PPP3CA: variants seen among roughly 807,000 people sequenced by gnomAD.
The protein encoded by PPP3CA is CAM-PRP catalytic subunit.
Under a neutral mutation model 66.5 loss-of-function variants are expected in PPP3CA, and 14 were observed. The ratio of observed to expected loss-of-function variants is 0.21; its 90% CI spans 0.14 to 0.33. The LOEUF is 0.33. Ranked by LOEUF, PPP3CA falls within the 10% of genes least tolerant of loss-of-function variation. The pLI, the probability that PPP3CA is intolerant of heterozygous loss-of-function variation, is 1.00. For synonymous variants in PPP3CA, 232 were observed against 226.2 expected, an observed-to-expected ratio of 1.03 and a Z score of -0.23; for missense variants, 317 against 639.5, an observed-to-expected ratio of 0.50 and a Z score of 5.44.
intron 2 of PPP3CA, among the ~76,000 whole-genome samples, chr4:101,129,378 C>A (rs1722354878): frequency 6.6e-6 from 1 of 152,198 alleles, no homozygotes; most frequent in Admixed American, 6.5e-5. Flanking sequence ...GATCTCCCAG[C>A]ACAGTGCTTG....
At chr4:101,169,414 C>A (rs1723797687) in intron 2 of PPP3CA, among the ~76,000 whole-genome samples, 1 of 152,104 alleles carries the variant, frequency 6.6e-6, no homozygotes, top group African/African-American at 2.4e-5. Context: ...CTCCAGAGGG[C>A]GCTATTTACC....
chr4:101,119,983 A>G (rs1321521336), intron 2 of PPP3CA, among the ~76,000 whole-genome samples: 2 of 152,112 alleles, frequency 1.3e-5, no homozygotes, highest in Admixed American at 6.6e-5. Flanking sequence ...GTAATTGTGA[A>G]TTGATAAATT....
At chr4:101,236,992 C>T (rs1215877566) in intron 1 of PPP3CA, among the ~76,000 whole-genome samples, 1 of 150,300 alleles carries the variant, frequency 6.7e-6, no homozygotes, top group Non-Finnish European at 1.5e-5. Flanking sequence ...ATTACATAAT[C>T]TGTGTAATGT....
intron 2 of PPP3CA, among the ~76,000 whole-genome samples, chr4:101,120,797 C>T (rs1722001566): frequency 6.6e-6 from 1 of 151,828 alleles, no homozygotes; most frequent in African/African-American, 2.4e-5. Context: ...TTTTTGTTTA[C>T]CTCTATAAAA....
At chr4:101,250,691 C>T (rs1560680952) in intron 1 of PPP3CA, among the ~76,000 whole-genome samples, 1 of 152,128 alleles carries the variant, frequency 6.6e-6, no homozygotes, top group Non-Finnish European at 1.5e-5. Context: ...TAATTAGCTA[C>T]TTAGAAGTGA....
chr4:101,155,313 T>C (rs1723283516), intron 2 of PPP3CA, among the ~76,000 whole-genome samples: 1 of 152,186 alleles, frequency 6.6e-6, no homozygotes, highest in Non-Finnish European at 1.5e-5. Flanking sequence ...AAAGAGTAGA[T>C]GAATGCATGA....
At chr4:101,148,135 T>C (rs903576606) in intron 2 of PPP3CA, among the ~76,000 whole-genome samples, 3 of 152,148 alleles carry the variant, frequency 2.0e-5, no homozygotes, top group Non-Finnish European at 4.4e-5. Flanking sequence ...AAAAGCTAAG[T>C]CTTGTCATGA....
chr4:101,231,505 T>G (rs1175148093), intron 1 of PPP3CA, among the ~76,000 whole-genome samples: 1 of 151,774 alleles, frequency 6.6e-6, no homozygotes, highest in East Asian at 1.9e-4. Flanking sequence ...ATTTGACAAA[T>G]GAAGACTAGC....
At chr4:101,325,747 G>A (rs1729187355) in intron 1 of PPP3CA, among the ~76,000 whole-genome samples, 1 of 152,110 alleles carries the variant, frequency 6.6e-6, no homozygotes, top group Non-Finnish European at 1.5e-5. Context: ...TCTTCATATT[G>A]TGTCATGCTC....
At chr4:101,255,769 T>C (rs1726821233) in intron 1 of PPP3CA, among the ~76,000 whole-genome samples, 1 of 151,928 alleles carries the variant, frequency 6.6e-6, no homozygotes, top group East Asian at 1.9e-4. Flanking sequence ...TAGTGCCACA[T>C]TTAAATACTT....
At chr4:101,138,661 C>A (rs893785546) in intron 2 of PPP3CA, among the ~76,000 whole-genome samples, 1 of 152,144 alleles carries the variant, frequency 6.6e-6, no homozygotes, top group Non-Finnish European at 1.5e-5. Flanking sequence ...TTGGAATTCT[C>A]AAATTTTCAG....
intron 10 of PPP3CA, 52 bp from the exon 11 acceptor site, chr4:101,040,618 T>C: frequency 6.8e-7 from 1 of 1,472,868 alleles, no homozygotes; most frequent in Non-Finnish European, 9.4e-7. Context: ...CTAATTGTAA[T>C]TGATTTTACA....
At chr4:101,314,736 C>T (rs1728834383) in intron 1 of PPP3CA, among the ~76,000 whole-genome samples, 1 of 151,194 alleles carries the variant, frequency 6.6e-6, no homozygotes, top group Non-Finnish European at 1.5e-5. Flanking sequence ...AAAAGTAATC[C>T]CTATGAGATA....
At chr4:101,043,063 A>G (rs966104491) in intron 10 of PPP3CA, among the ~76,000 whole-genome samples, 2 of 152,136 alleles carry the variant, frequency 1.3e-5, no homozygotes, top group Admixed American at 6.5e-5. Context: ...CAATGAACAC[A>G]AAGAATGGAA....
At chr4:101,202,862 C>T (rs1725013154) in intron 1 of PPP3CA, among the ~76,000 whole-genome samples, 2 of 152,108 alleles carry the variant, frequency 1.3e-5, no homozygotes, top group Admixed American at 1.3e-4. Flanking sequence ...CTATCCTTGT[C>T]AGAAACCTCC....
intron 2 of PPP3CA, among the ~76,000 whole-genome samples, chr4:101,127,197 T>G (rs1478309558): frequency 2.0e-5 from 3 of 151,882 alleles, no homozygotes; most frequent in African/African-American, 7.3e-5. Flanking sequence ...CCAACTCCAT[T>G]AGTGCCCTCT....
At chr4:101,238,679 T>C (rs925949267) in intron 1 of PPP3CA, among the ~76,000 whole-genome samples, 1 of 152,066 alleles carries the variant, frequency 6.6e-6, no homozygotes, top group African/African-American at 2.4e-5. Flanking sequence ...GTTTTTCTAC[T>C]TCAAGAATCA....
At chr4:101,248,224 G>T (rs957722263) in intron 1 of PPP3CA, among the ~76,000 whole-genome samples, 1 of 152,158 alleles carries the variant, frequency 6.6e-6, no homozygotes, top group Non-Finnish European at 1.5e-5. Flanking sequence ...GAATGTGGAA[G>T]AAGTCACCTG....
chr4:101,271,803 G>A (rs1471825238), intron 1 of PPP3CA, among the ~76,000 whole-genome samples: 1 of 152,036 alleles, frequency 6.6e-6, no homozygotes, highest in Non-Finnish European at 1.5e-5. Context: ...CCACAAACAA[G>A]GGTAAAAGAT....
Sources: allele counts gnomAD v4.1 joint callset (sites outside exome capture counted in the v4.1 genomes callset), GRCh38; gene constraint gnomAD v4.1.1; transcripts MANE v1.5; gene names NCBI Gene and HGNC (gene_info 2026-07-23, HGNC 2026-07-21).